Variants in PTPRM observed in about 807,000 individuals in gnomAD.
PTPRM encodes receptor-type tyrosine-protein phosphatase mu.
A neutral mutation model predicts 186.7 loss-of-function variants in PTPRM; 47 were observed. The observed-to-expected ratio is 0.25, with a 90% CI of 0.20 to 0.32. PTPRM has a LOEUF of 0.32. PTPRM is among the 10% of genes least tolerant of loss of function. The pLI, the probability that PTPRM is intolerant of heterozygous loss-of-function variation, is 1.00. For missense variants in PTPRM, 1,494 were observed against 1,865.0 expected (o/e 0.80, Z 3.66); for synonymous variants, 668 against 674.9 (o/e 0.99, Z 0.16).
At chr18:8,065,573 G>A (rs954904500) in intron 7 of PTPRM, among the ~76,000 whole-genome samples, 1 of 152,130 alleles carries the variant, frequency 6.6e-6, no homozygotes, top group African/African-American at 2.4e-5. Context: ...TGCCAACGGG[G>A]CCTGTCATGA....
chr18:7,938,067 C>A (rs9952741), intron 5 of PTPRM, among the ~76,000 whole-genome samples: 40,830 of 152,024 alleles, frequency 0.27, 7,332 homozygotes, highest in African/African-American at 0.51. Flanking sequence ...GCCATTAGAA[C>A]TTACAATCTG....
chr18:8,123,425 G>A (rs1304756865), intron 13 of PTPRM, among the ~76,000 whole-genome samples: 1 of 152,154 alleles, frequency 6.6e-6, no homozygotes, highest in Non-Finnish European at 1.5e-5. Flanking sequence ...ATTTTGGACA[G>A]TAAAGAAAAC....
Position 8,394,573 on chromosome 18 carries a change from A to T in PTPRM, c.4306A>T (p.Thr1436Ser). 1.2e-6 allele frequency: 2 copies of T among 1,612,976 alleles called. No individual in the cohort carries two copies. Among genetic ancestry groups the T allele is most frequent in the Non-Finnish European group, 1.7e-6 (2 of 1,179,494 alleles). The change falls in exon 32 of 33, where the codon ACA (threonine) becomes TCA (serine). Residue 1436 changes from threonine to serine, a missense_variant. Around this residue, in one of 3 missense-constraint regions of PTPRM, gnomAD observed 1,107 missense variants for 1,350.2 expected, o/e 0.82. Coordinates refer to ENST00000580170, the MANE Select transcript of PTPRM (RefSeq NM_001105244.2). ...RTVDVFHAVK[T>S]LRNNKPNMVD... Reference sequence around the variant, plus strand: ...CGTGGATGTCTTTCACGCTGTGAAGACACTGAGGAACAACAAGCCCAACAT... The same window carrying T: ...CGTGGATGTCTTTCACGCTGTGAAGTCACTGAGGAACAACAAGCCCAACAT...
chr18:8,077,780 G>A (rs1042565477), intron 9 of PTPRM, among the ~76,000 whole-genome samples: 1 of 152,114 alleles, frequency 6.6e-6, no homozygotes, highest in African/African-American at 2.4e-5. Flanking sequence ...TTTCCAAGCC[G>A]TAAGTTCACC....
intron 1 of PTPRM, among the ~76,000 whole-genome samples, chr18:7,599,210 G>T (rs2037340598): frequency 6.6e-6 from 1 of 152,076 alleles, no homozygotes; most frequent in African/African-American, 2.4e-5. Flanking sequence ...AGAAAATAAG[G>T]TGAACTCATT....
intron 14 of PTPRM, among the ~76,000 whole-genome samples, chr18:8,239,078 C>T (rs551215941): frequency 3.7e-4 from 56 of 149,472 alleles, no homozygotes; most frequent in Admixed American, 2.1e-3. Flanking sequence ...ATGTGCCATG[C>T]TGGTGTGCTG....
At chr18:7,914,897 A>G (rs993432677) in intron 4 of PTPRM, among the ~76,000 whole-genome samples, 2 of 152,176 alleles carry the variant, frequency 1.3e-5, no homozygotes, top group African/African-American at 4.8e-5. Flanking sequence ...GTGGTTGGGC[A>G]TGCATCCCGT....
chr18:7,915,979 T>G (rs35263072), intron 4 of PTPRM, among the ~76,000 whole-genome samples: 27,398 of 152,236 alleles, frequency 0.18, 2,915 homozygotes, highest in East Asian at 0.32. Flanking sequence ...ACAGTCATTT[T>G]GTTAAGTGAA....
At chr18:7,793,766 G>A (rs900913973) in intron 2 of PTPRM, among the ~76,000 whole-genome samples, 6 of 152,090 alleles carry the variant, frequency 3.9e-5, no homozygotes, top group Non-Finnish European at 7.3e-5. Flanking sequence ...CTGCCTTTGT[G>A]CCCAAATGTT....
chr18:7,578,753 G>A (rs1331099298), intron 1 of PTPRM, among the ~76,000 whole-genome samples: 5 of 152,036 alleles, frequency 3.3e-5, no homozygotes, highest in African/African-American at 1.2e-4. Flanking sequence ...GATTACAGGC[G>A]TGAGCTGCTA....
chr18:7,821,188 C>T (rs1342984465), intron 2 of PTPRM, among the ~76,000 whole-genome samples: 1 of 152,076 alleles, frequency 6.6e-6, no homozygotes, highest in Non-Finnish European at 1.5e-5. Flanking sequence ...CAAGGCAATC[C>T]CATAATAGTC....
intron 2 of PTPRM, among the ~76,000 whole-genome samples, chr18:7,783,480 C>A (rs2042950013): frequency 6.6e-6 from 1 of 152,142 alleles, no homozygotes; most frequent in South Asian, 2.1e-4. Flanking sequence ...AAAACATTTT[C>A]TCTAAAGACC....
At chr18:8,385,556 C>T (rs2095766844) in intron 30 of PTPRM, among the ~76,000 whole-genome samples, 1 of 152,142 alleles carries the variant, frequency 6.6e-6, no homozygotes, top group Admixed American at 6.5e-5. Flanking sequence ...AAGGCAGGGC[C>T]TTGCATGTGA....
rs996841249 is a variant in PTPRM at position 8,107,702 on chromosome 18, C to A, written c.1857-5784C>A. On this transcript the variant is annotated intron_variant, in intron 11 of 32. Transcript: ENST00000580170. ...CAGTCTTGTCTATATCAGAGCAGGA[C>A]AAAGAGAAATTAAAGTTGCTAATAT... Among the ~76,000 whole-genome samples, 7 of 152,152 alleles carry A rather than the reference C, an allele frequency of 4.6e-5. No individual in the cohort carries two copies. The East Asian group carries it at 1.3e-3, about 29-fold the overall frequency.
intron 2 of PTPRM, among the ~76,000 whole-genome samples, chr18:7,831,887 T>A (rs1160099453): frequency 6.6e-6 from 1 of 152,220 alleles, no homozygotes; most frequent in African/African-American, 2.4e-5. Context: ...GGTTTTTCTT[T>A]CTGTGCCTGA....
chr18:8,237,431 ATTTTTTTTT>A (rs59073560), intron 14 of PTPRM, among the ~76,000 whole-genome samples: 2 of 71,666 alleles, frequency 2.8e-5, no homozygotes, highest in Non-Finnish European at 5.7e-5. Context: ...GATTCCCTCA[ATTTTTTTTT>A]TTTTTTTTTT....
At chr18:8,187,693 A>C (rs749988171) in intron 14 of PTPRM, among the ~76,000 whole-genome samples, 1 of 152,172 alleles carries the variant, frequency 6.6e-6, no homozygotes, top group African/African-American at 2.4e-5. Flanking sequence ...TGGAGATTTA[A>C]GAGGTGAAGT....
At chr18:8,263,008 A>G (rs1418089331) in intron 19 of PTPRM, among the ~76,000 whole-genome samples, 3 of 152,206 alleles carry the variant, frequency 2.0e-5, no homozygotes, top group Non-Finnish European at 2.9e-5. Flanking sequence ...GTATGGACCA[A>G]CTTGAACCTG....
At chr18:7,882,025 G>A (rs1027536640) in intron 2 of PTPRM, among the ~76,000 whole-genome samples, 3 of 151,926 alleles carry the variant, frequency 2.0e-5, no homozygotes, top group African/African-American at 7.3e-5. Flanking sequence ...GTATATTTGG[G>A]TACCAAGGAT....
Sources: gnomAD v4.1 joint callset for allele counts (sites outside exome capture counted in the v4.1 genomes callset) on GRCh38, gnomAD v4.1.1 for gene constraint, gnomAD v4.1.1 regional missense constraint, MANE v1.5 for transcripts, NCBI Gene and HGNC (gene_info 2026-07-23, HGNC 2026-07-21) for gene names.